Variants in CALHM4 observed in about 807,000 individuals in gnomAD.
CALHM4 encodes calcium homeostasis modulator family member 4.
A neutral mutation model predicts 13.3 loss-of-function variants in CALHM4; 16 were observed. That is an observed-to-expected ratio of 1.20 (90% CI 0.81 to 1.82). The LOEUF is 1.82. Among genes scored for constraint, CALHM4 ranks in the 40% most tolerant of loss-of-function variants. The probability of loss-of-function intolerance (pLI) is 0.00; values close to 1 mark genes in which losing one functional copy is unlikely to be tolerated. For missense variants in CALHM4, 344 were observed against 374.9 expected (o/e 0.92, Z 0.68); for synonymous variants, 127 against 137.1 (o/e 0.93, Z 0.52).
At chr6:116,531,248 T>C (rs1772704363) in intron 1 of CALHM4, among the ~76,000 whole-genome samples, 1 of 151,900 alleles carries the variant, frequency 6.6e-6, no homozygotes, top group Non-Finnish European at 1.5e-5. Flanking sequence ...GGACTTTAAA[T>C]ATGAAACACA....
At chr6:116,550,915 T>C (rs12175109), upstream of CALHM4, among the ~76,000 whole-genome samples, 26,138 of 152,222 alleles carry the variant, frequency 0.17, 2,364 homozygotes, top group East Asian at 0.35. Context: ...GAGACCATAC[T>C]CTGAACCACT....
rs773264888 is a variant in CALHM4, at chr6:116,557,859, T to C, written c.593T>C (p.Ile198Thr). The C allele has an allele frequency of 3.1e-6, 5 of 1,613,978 alleles. No homozygotes were observed. The highest frequency in any genetic ancestry group is 1.3e-5 in the African/African-American group (1 of 74,906). The change falls in exon 2 of 2, where the codon ATT becomes ACT. Residue 198 changes from isoleucine (I) to threonine (T), a missense_variant. Ile to Thr is a moderately conservative substitution (Grantham distance 89). Transcript: ENST00000368596. Reference sequence around the variant, plus strand: ...TGGATTTTGATCACCTTGGCAACCATTGCTGCCTTAGTCTCCTGCTGTGTG... The same window carrying C: ...TGGATTTTGATCACCTTGGCAACCACTGCTGCCTTAGTCTCCTGCTGTGTG... ...LGWILITLAT[I>T]AALVSCCVAK...
At chr6:116,538,951 G>A (rs1011601722) in intron 1 of CALHM4, among the ~76,000 whole-genome samples, 3 of 151,892 alleles carry the variant, frequency 2.0e-5, no homozygotes, top group South Asian at 2.1e-4. Flanking sequence ...GGCTGGTCTC[G>A]ATCTCTCCAT....
At chr6:116,532,392 G>A (rs1175526447) in intron 1 of CALHM4, among the ~76,000 whole-genome samples, 1 of 152,096 alleles carries the variant, frequency 6.6e-6, no homozygotes, top group Non-Finnish European at 1.5e-5. Flanking sequence ...GTGAGCCACC[G>A]CGCCCGGCCG....
upstream of CALHM4, among the ~76,000 whole-genome samples, chr6:116,553,028 C>T (rs372283295): frequency 2.5e-4 from 38 of 152,280 alleles, 2 homozygotes; most frequent in East Asian, 6.8e-3. Context: ...GAGCCGAGAT[C>T]GCGCCACTGC....
intron 1 of CALHM4, among the ~76,000 whole-genome samples, chr6:116,532,903 A>G (rs1234036223): frequency 6.6e-6 from 1 of 152,246 alleles, no homozygotes; most frequent in African/African-American, 2.4e-5. Context: ...TTATCTTAAC[A>G]TTACAACTCT....
chr6:116,539,789 C>T (rs186018272), intron 1 of CALHM4, among the ~76,000 whole-genome samples: 42 of 152,106 alleles, frequency 2.8e-4, no homozygotes, highest in Non-Finnish European at 5.6e-4. Flanking sequence ...ACATTAATAA[C>T]CATAGGCCAA....
At chr6:116,534,996 T>C (rs1181198668) in intron 1 of CALHM4, among the ~76,000 whole-genome samples, 1 of 152,196 alleles carries the variant, frequency 6.6e-6, no homozygotes, top group Non-Finnish European at 1.5e-5. Context: ...GTAATCATCA[T>C]ATTGACATGG....
intron 2 of CALHM4, among the ~76,000 whole-genome samples, chr6:116,547,098 G>T (rs2115264422): frequency 6.6e-6 from 1 of 152,250 alleles, no homozygotes; most frequent in Admixed American, 6.5e-5. Context: ...AGGGATTTGG[G>T]CTAATTTTGA....
At chr6:116,542,742 T>C (rs536889826) in intron 1 of CALHM4, among the ~76,000 whole-genome samples, 5 of 152,106 alleles carry the variant, frequency 3.3e-5, no homozygotes, top group Non-Finnish European at 7.4e-5. Context: ...CTACCTAATA[T>C]GTTTTTTAAG....
chr6:116,533,777 T>C (rs1772897336), intron 1 of CALHM4, among the ~76,000 whole-genome samples: 1 of 152,218 alleles, frequency 6.6e-6, no homozygotes, highest in African/African-American at 2.4e-5. Context: ...GCGTGCCTTT[T>C]GTTGGCTTGC....
chr6:116,557,344 C>G (rs780944136), intron 1 of CALHM4, among the ~76,000 whole-genome samples: 3 of 152,142 alleles, frequency 2.0e-5, no homozygotes, highest in Non-Finnish European at 4.4e-5. Context: ...TATCAGTGAA[C>G]ACCTGTTGGT....
intron 2 of CALHM4, chr6:116,545,637 T>C: frequency 3.9e-6 from 3 of 767,740 alleles, no homozygotes; most frequent in Non-Finnish European, 4.1e-6. Flanking sequence ...GAGACAGGAG[T>C]GCTGCTTCTG....
At chr6:116,536,708 G>T (rs1375244450) in intron 1 of CALHM4, among the ~76,000 whole-genome samples, 4 of 152,156 alleles carry the variant, frequency 2.6e-5, no homozygotes, top group Non-Finnish European at 4.4e-5. Flanking sequence ...GACGGATGAT[G>T]ATGGTGTTCG....
chr6:116,549,705 G>A (rs1773964345), upstream of CALHM4, among the ~76,000 whole-genome samples: 1 of 151,560 alleles, frequency 6.6e-6, no homozygotes, highest in Non-Finnish European at 1.5e-5. Flanking sequence ...GCCAGACGTG[G>A]TGGCTCACGC....
chr6:116,555,231 T>A (rs1325354853), intron 1 of CALHM4, among the ~76,000 whole-genome samples: 1 of 152,186 alleles, frequency 6.6e-6, no homozygotes, highest in East Asian at 1.9e-4. Context: ...TACCATTAGA[T>A]ATGCTCTGTC....
chr6:116,560,272 T>C lies in CALHM4; in HGVS notation c.*2061T>C, dbSNP rs1774527319. Among the ~76,000 whole-genome samples, 1 of 152,150 alleles carries C rather than the reference T, an allele frequency of 6.6e-6. No individual in the cohort carries two copies. Among genetic ancestry groups the C allele is most frequent in the Non-Finnish European group, 1.5e-5 (1 of 67,982 alleles). On this transcript the variant is annotated 3_prime_UTR_variant, in exon 2 of 2. Transcript: ENST00000368596. ...TTAGTTGTCAGGAACTATACCACAGTAAAGACTCTTCAATAAGATTTTCGG... is the reference window on the plus strand; with the variant it reads ...TTAGTTGTCAGGAACTATACCACAGCAAAGACTCTTCAATAAGATTTTCGG...
In CALHM4 at chr6:116,554,102, G is replaced by T. The variant is rs1475796836; in HGVS notation, c.309G>T (p.Arg103Ser). 6.4e-7 allele frequency: 1 copy of T among 1,550,628 alleles called. No individual in the cohort carries two copies. Among genetic ancestry groups the T allele is most frequent in the South Asian group, 1.2e-5 (1 of 84,068 alleles). The change falls in exon 1 of 2, where the codon AGG becomes AGT. Residue 103 changes from arginine to serine, a missense_variant. By Grantham distance (110) the Arg-to-Ser change is moderately radical. Transcript: ENST00000368596. ...TAGAGTGCAAGCTGGCTTGCCTTAG[G>T]TTCTTCAGCATCACTGGGAGGGCAG... Reference protein sequence around the residue: ...SPLECKLACLRFFSITGRAVI... With the variant: ...SPLECKLACLSFFSITGRAVI...
chr6:116,531,445 AG>A (rs1772718065), intron 1 of CALHM4, among the ~76,000 whole-genome samples: 1 of 152,124 alleles, frequency 6.6e-6, no homozygotes, highest in South Asian at 2.1e-4. Context: ...AGAAGGGTTG[AG>A]TCATGAAAAT....
Sources: allele counts gnomAD v4.1 joint callset (sites outside exome capture counted in the v4.1 genomes callset), GRCh38; gene constraint gnomAD v4.1.1; transcripts MANE v1.5; gene names NCBI Gene and HGNC (gene_info 2026-07-23, HGNC 2026-07-21).